The following DPP10 variants were observed in gnomAD, a reference collection of about 807,000 sequenced individuals.
The protein encoded by DPP10 is inactive dipeptidyl peptidase 10.
Under a neutral mutation model 120.9 loss-of-function variants are expected in DPP10, and 33 were observed. The ratio of observed to expected loss-of-function variants is 0.27; its 90% CI spans 0.21 to 0.37. The LOEUF (loss-of-function observed/expected upper bound fraction) is 0.37, where lower values mean the gene tolerates loss of function less well. Ranked by LOEUF, DPP10 falls within the 10% of genes least tolerant of loss-of-function variation. The pLI is 1.00. For missense variants in DPP10, 816 were observed against 942.8 expected, an observed-to-expected ratio of 0.87 and a Z score of 1.76; for synonymous variants, 337 against 326.1, an observed-to-expected ratio of 1.03 and a Z score of -0.36.
At chr2:115,496,708 C>T (rs1486544317) in intron 3 of DPP10, among the ~76,000 whole-genome samples, 1 of 152,118 alleles carries the variant, frequency 6.6e-6, no homozygotes, top group East Asian at 1.9e-4. Context: ...CTGCATTGTG[C>T]TTGTGTACTC....
rs1337928258 is a variant in DPP10, at chr2:115,722,312, A to G, written c.577-5504A>G. Reference sequence around the variant, plus strand: ...TTTTCCTAGCCTTTTCTGCTTGACTACCTGCTTTCCACTTCTGTACCCCAC... The same window carrying G: ...TTTTCCTAGCCTTTTCTGCTTGACTGCCTGCTTTCCACTTCTGTACCCCAC... On this transcript the variant is annotated intron_variant, in intron 7 of 25. Transcript: ENST00000410059. 3.3e-5 allele frequency among the ~76,000 whole-genome samples: 5 copies of G among 151,708 alleles called. No individual in the cohort carries two copies. The East Asian group carries it at 9.8e-4, about 30-fold the overall frequency.
chr2:115,421,511 T>C (rs2069951655), intron 3 of DPP10, among the ~76,000 whole-genome samples: 1 of 152,194 alleles, frequency 6.6e-6, no homozygotes, highest in Admixed American at 6.5e-5. Context: ...CTTAGGAAAA[T>C]AGTATAAAAA....
At chr2:114,955,659 C>A (rs540695099) in intron 1 of DPP10, among the ~76,000 whole-genome samples, 2 of 152,274 alleles carry the variant, frequency 1.3e-5, no homozygotes, top group South Asian at 4.2e-4. Context: ...ATATTTCAGG[C>A]CAATAACCCT....
chr2:114,636,872 T>C (rs1446420638), intron 1 of DPP10, among the ~76,000 whole-genome samples: 1 of 151,792 alleles, frequency 6.6e-6, no homozygotes, highest in East Asian at 1.9e-4. Flanking sequence ...AATATTTGGA[T>C]GGTGGAGGAA....
chr2:114,595,487 A>G (rs182043995), intron 1 of DPP10, among the ~76,000 whole-genome samples: 1 of 152,234 alleles, frequency 6.6e-6, no homozygotes, highest in East Asian at 1.9e-4. Context: ...AAAGCCAACA[A>G]GACACTTTCT....
chr2:115,123,440 G>C (rs570655786), intron 1 of DPP10, among the ~76,000 whole-genome samples: 9 of 152,182 alleles, frequency 5.9e-5, no homozygotes, highest in Non-Finnish European at 1.2e-4. Flanking sequence ...CACATTTGCA[G>C]TGCAGTTACT....
chr2:114,915,479 A>G (rs796252929), intron 1 of DPP10, among the ~76,000 whole-genome samples: 11 of 152,356 alleles, frequency 7.2e-5, no homozygotes, highest in African/African-American at 2.4e-4. Flanking sequence ...CCTCAATGCA[A>G]CACTTCACAA....
chr2:115,780,666 T>A (rs535198346), intron 15 of DPP10, among the ~76,000 whole-genome samples: 2 of 151,940 alleles, frequency 1.3e-5, no homozygotes, highest in East Asian at 3.9e-4. Flanking sequence ...ATAATTTTAA[T>A]TTTAATAGAT....
At chr2:115,380,533 G>C (rs1229494545) in intron 3 of DPP10, among the ~76,000 whole-genome samples, 1 of 151,984 alleles carries the variant, frequency 6.6e-6, no homozygotes, top group Non-Finnish European at 1.5e-5. Context: ...CTTTTAATTG[G>C]AGCATTTAGT....
chr2:115,721,689 G>A (rs1224537356), intron 7 of DPP10, among the ~76,000 whole-genome samples: 1 of 152,110 alleles, frequency 6.6e-6, no homozygotes, highest in Non-Finnish European at 1.5e-5. Flanking sequence ...TACGAAGACA[G>A]CATGAAAGTT....
At chr2:114,965,020 CTAAG>C (rs1234569919) in intron 1 of DPP10, among the ~76,000 whole-genome samples, 1 of 152,118 alleles carries the variant, frequency 6.6e-6, no homozygotes, top group African/African-American at 2.4e-5. Context: ...AACAAAGAGA[CTAAG>C]TAGTCTGAGC....
chr2:114,741,251 A>G (rs1678032803), intron 1 of DPP10, among the ~76,000 whole-genome samples: 1 of 152,218 alleles, frequency 6.6e-6, no homozygotes, highest in South Asian at 2.1e-4. Context: ...TCCCAGAACC[A>G]AAGGAGAATA....
chr2:114,918,735 G>A (rs1694984320), intron 1 of DPP10, among the ~76,000 whole-genome samples: 1 of 152,152 alleles, frequency 6.6e-6, no homozygotes, highest in Non-Finnish European at 1.5e-5. Context: ...ATATGTGGAT[G>A]CTAAACACTG....
chr2:115,570,863 C>T (rs1480400862), intron 5 of DPP10, among the ~76,000 whole-genome samples: 1 of 152,116 alleles, frequency 6.6e-6, no homozygotes, highest in Non-Finnish European at 1.5e-5. Flanking sequence ...ATTCAGTATA[C>T]TTGTATTTTA....
At chr2:115,505,789 A>C (rs2076908416) in intron 4 of DPP10, among the ~76,000 whole-genome samples, 1 of 152,182 alleles carries the variant, frequency 6.6e-6, no homozygotes, top group Non-Finnish European at 1.5e-5. Context: ...AACCAGAGTT[A>C]AGAATAATGT....
chr2:115,800,524 G>A (rs142812300), intron 19 of DPP10, among the ~76,000 whole-genome samples: 5,704 of 152,196 alleles, frequency 0.037, 371 homozygotes, highest in African/African-American at 0.13. Context: ...CCTTTGTCCT[G>A]AATGGTGTTG....
chr2:114,655,910 G>C (rs1167660325), intron 1 of DPP10, among the ~76,000 whole-genome samples: 1 of 152,120 alleles, frequency 6.6e-6, no homozygotes, highest in African/African-American at 2.4e-5. Flanking sequence ...TTCTGTCAAA[G>C]AGAGAAGGTT....
chr2:114,885,835 C>T (rs1205718381), intron 1 of DPP10, among the ~76,000 whole-genome samples: 1 of 152,186 alleles, frequency 6.6e-6, no homozygotes, highest in Non-Finnish European at 1.5e-5. Context: ...CCAAGTTCTT[C>T]CACTTGCTAT....
intron 1 of DPP10, among the ~76,000 whole-genome samples, chr2:115,167,230 T>A: frequency 6.7e-6 from 1 of 149,884 alleles, no homozygotes; most frequent in Admixed American, 6.7e-5. Flanking sequence ...ATTAAATGTG[T>A]AGTCTGGGAA....
Sources: allele counts gnomAD v4.1 joint callset (sites outside exome capture counted in the v4.1 genomes callset), GRCh38; gene constraint gnomAD v4.1.1; transcripts MANE v1.5; gene names NCBI Gene and HGNC (gene_info 2026-07-23, HGNC 2026-07-21).